The following RBFOX3 variants were observed in gnomAD, a reference collection of about 807,000 sequenced individuals.
RBFOX3 encodes the protein RNA binding fox-1 homolog 3, also known as RNA binding protein fox-1 homolog 3.
A neutral mutation model predicts 48.7 loss-of-function variants in RBFOX3; 17 were observed. The observed-to-expected ratio is 0.35, with a 90% CI of 0.24 to 0.52. The LOEUF (loss-of-function observed/expected upper bound fraction) is 0.52. RBFOX3 is among the 20% of genes least tolerant of loss of function. The pLI is 0.94. For missense variants in RBFOX3, 382 were observed against 497.5 expected (o/e 0.77, Z 2.21); for synonymous variants, 212 against 209.5 (o/e 1.01, Z -0.10).
At chr17:79,149,089 A>C (rs2144691023) in intron 4 of RBFOX3, among the ~76,000 whole-genome samples, 1 of 152,320 alleles carries the variant, frequency 6.6e-6, no homozygotes. Flanking sequence ...AAGCTTAAGA[A>C]GCACAAGGAG....
At chr17:79,417,756 A>G (rs1362946004) in intron 2 of RBFOX3, among the ~76,000 whole-genome samples, 3 of 152,252 alleles carry the variant, frequency 2.0e-5, no homozygotes, top group East Asian at 1.9e-4. Flanking sequence ...CGCAACTCCA[A>G]CTGAGAAGTG....
chr17:79,445,547 C>T lies in RBFOX3; in HGVS notation c.-175+36907G>A, dbSNP rs74699880. Among the ~76,000 whole-genome samples, 1,076 of 152,288 alleles carry T rather than the reference C, an allele frequency of 7.1e-3. 11 individuals are homozygous for T. The highest frequency in any genetic ancestry group is 0.025 in the African/African-American group (1,028 of 41,544). On this transcript the variant is annotated intron_variant, in intron 2 of 14. Coordinates refer to ENST00000693108, the MANE Select transcript of RBFOX3 (RefSeq NM_001350451.2). ...CCAGATCTTCAAGACAAGCCCACTTCCAGGATCATCTCTCCCCACACCCTC... is the reference window on the plus strand; with the variant it reads ...CCAGATCTTCAAGACAAGCCCACTTTCAGGATCATCTCTCCCCACACCCTC...
chr17:79,660,929 C>T, the RBFOX3 span, among the ~76,000 whole-genome samples: 2 of 152,164 alleles, frequency 1.3e-5, no homozygotes, highest in African/African-American at 4.8e-5. Flanking sequence ...TACATATATA[C>T]CATGGAATAT....
chr17:79,357,909 A>C (rs1418924416), intron 2 of RBFOX3, among the ~76,000 whole-genome samples: 1 of 150,752 alleles, frequency 6.6e-6, no homozygotes, highest in Admixed American at 6.6e-5. Flanking sequence ...TTAGTATTTA[A>C]GTAACTTCCA....
intron 1 of RBFOX3, among the ~76,000 whole-genome samples, chr17:79,529,000 T>A (rs2087256304): frequency 1.3e-5 from 2 of 152,212 alleles, no homozygotes; most frequent in Non-Finnish European, 2.9e-5. Context: ...GTTAAGTAAC[T>A]GTTCCCACAT....
Position 79,197,388 on chromosome 17 carries a change from C to CTTT in RBFOX3, c.-34+38375_-34+38377dup, listed in dbSNP as rs72118967. On this transcript the variant is annotated intron_variant, in intron 4 of 14. Coordinates refer to ENST00000693108, the MANE Select transcript of RBFOX3 (RefSeq NM_001350451.2). ...AGATATTTCTTTTCTTTCTTTCTTT[C>CTTT]TTTTTTTTTTTTTTTTTTGAGACAG... is the stretch of plus-strand genomic sequence containing the variant. Among the ~76,000 whole-genome samples, 829 of 112,742 alleles carry CTTT rather than the reference C, an allele frequency of 7.4e-3. 19 individuals carry two copies. Among genetic ancestry groups the CTTT allele is most frequent in the South Asian group, 0.021 (70 of 3,410 alleles). The allele number at this position is 112,742 out of a possible 152,430, so 74.0% of individuals were successfully genotyped here.
rs1259516041 is a variant in RBFOX3, at chr17:79,091,392, G to GC, written c.1078-508dup. ...GGAGGTACAGATCTGTGTGCCCCAG[G>GC]CCAGTGCCAGGAAAGGACTGTGCCT... On this transcript the variant is annotated intron_variant, in intron 14 of 14. Transcript: ENST00000693108. Among the ~76,000 whole-genome samples, 6 of 152,220 alleles carry GC rather than the reference G, an allele frequency of 3.9e-5. No homozygotes were observed. The East Asian group carries it at 9.6e-4, about 24-fold the overall frequency.
chr17:79,381,840 A>G (rs1402431939), intron 2 of RBFOX3, among the ~76,000 whole-genome samples: 2 of 152,182 alleles, frequency 1.3e-5, no homozygotes, highest in East Asian at 3.9e-4. Flanking sequence ...TGAGAGCCCC[A>G]GGAGGAGGTT....
At chr17:79,287,407 G>T (rs2072199430) in intron 3 of RBFOX3, among the ~76,000 whole-genome samples, 1 of 152,200 alleles carries the variant, frequency 6.6e-6, no homozygotes, top group South Asian at 2.1e-4. Flanking sequence ...TCTTGAGTAG[G>T]TTTGCATTGA....
chr17:79,636,377 G>A, the RBFOX3 span, among the ~76,000 whole-genome samples: 1 of 151,888 alleles, frequency 6.6e-6, no homozygotes, highest in African/African-American at 2.4e-5. Context: ...GAATAAAGGG[G>A]GCATTAAGAA....
chr17:79,571,076 C>T (rs1267144513), intron 1 of RBFOX3, among the ~76,000 whole-genome samples: 10 of 152,146 alleles, frequency 6.6e-5, no homozygotes, highest in African/African-American at 9.7e-5. Context: ...GCCAGTTCCA[C>T]GTCCCCGGCC....
intron 4 of RBFOX3, among the ~76,000 whole-genome samples, chr17:79,125,487 T>C (rs1467011730): frequency 2.0e-5 from 3 of 152,206 alleles, no homozygotes; most frequent in African/African-American, 7.2e-5. Context: ...CCTTGGCCAA[T>C]GTGCTCTCCG....
intron 3 of RBFOX3, among the ~76,000 whole-genome samples, chr17:79,286,443 TGC>T (rs1459618972): frequency 1.3e-5 from 2 of 152,160 alleles, no homozygotes; most frequent in African/African-American, 4.8e-5. Context: ...TCTCTCCCCC[TGC>T]AGCCTGCTCC....
chr17:79,243,390 G>T lies in RBFOX3; in HGVS notation c.-73-7585C>A, dbSNP rs539943747. On this transcript the variant is annotated intron_variant, in intron 3 of 14. Transcript: ENST00000693108. This position sits in a 1 kb window ranked among gnomAD's most constrained non-coding sequence, Gnocchi z 7.9. ...CAACCTGCCTCCCACCCCAGCACTTGTGCAGCCTCAACGCCCAACATCAGC... is the reference window on the plus strand; with the variant it reads ...CAACCTGCCTCCCACCCCAGCACTTTTGCAGCCTCAACGCCCAACATCAGC... 1.8e-4 allele frequency among the ~76,000 whole-genome samples: 28 copies of T among 152,232 alleles called. No individual in the cohort carries two copies. The highest frequency in any genetic ancestry group is 6.7e-4 in the African/African-American group (28 of 41,548).
intron 4 of RBFOX3, among the ~76,000 whole-genome samples, chr17:79,170,916 A>C (rs1440783424): frequency 6.6e-6 from 1 of 152,134 alleles, no homozygotes; most frequent in Non-Finnish European, 1.5e-5. Flanking sequence ...CTTTCCACGT[A>C]AACTGCTGCC....
intron 2 of RBFOX3, among the ~76,000 whole-genome samples, chr17:79,415,695 G>A (rs2065236299): frequency 6.6e-6 from 1 of 152,218 alleles, no homozygotes; most frequent in Non-Finnish European, 1.5e-5. Flanking sequence ...CAGGTCCTCG[G>A]AGGGAGGGGC....
At chr17:79,488,567 G>A (rs1418358117) in intron 1 of RBFOX3, among the ~76,000 whole-genome samples, 6 of 152,214 alleles carry the variant, frequency 3.9e-5, no homozygotes, top group Admixed American at 3.9e-4. Context: ...AGGACCCGCA[G>A]GCCTGGGTTC....
At chr17:79,583,784 C>T (rs1272142827) in intron 1 of RBFOX3, among the ~76,000 whole-genome samples, 1 of 152,208 alleles carries the variant, frequency 6.6e-6, no homozygotes, top group South Asian at 2.1e-4. Flanking sequence ...ATCCACCTCC[C>T]ACTCAGTAGC....
intron 3 of RBFOX3, among the ~76,000 whole-genome samples, chr17:79,255,215 A>ATGTGTGTGTG (rs1491568643): frequency 3.9e-5 from 5 of 128,700 alleles, no homozygotes; most frequent in Non-Finnish European, 6.5e-5. Flanking sequence ...CTGTGGTCAC[A>ATGTGTGTGTG]TGTGTGCGTG....
Sources: gnomAD v4.1 joint callset for allele counts (sites outside exome capture counted in the v4.1 genomes callset) on GRCh38, gnomAD v4.1.1 for gene constraint, Gnocchi (gnomAD v3.1) non-coding constraint, MANE v1.5 for transcripts, NCBI Gene and HGNC (gene_info 2026-07-23, HGNC 2026-07-21) for gene names.